DENND2B: variants seen among roughly 807,000 people sequenced by gnomAD.
DENND2B encodes DENN domain-containing protein 2B.
DENND2B carries 32 observed loss-of-function variants against 116.0 expected under a neutral mutation model. That is an observed-to-expected ratio of 0.28 (90% CI 0.21 to 0.37). DENND2B has a LOEUF of 0.37. DENND2B is among the 10% of genes least tolerant of loss of function. The pLI, the probability that DENND2B is intolerant of heterozygous loss-of-function variation, is 1.00. For synonymous variants in DENND2B, 588 were observed against 583.9 expected, an observed-to-expected ratio of 1.01 and a Z score of -0.10; for missense variants, 1,276 against 1,477.7, an observed-to-expected ratio of 0.86 and a Z score of 2.24.
At chr11:8,780,973 G>C (rs943679650) in intron 1 of DENND2B, among the ~76,000 whole-genome samples, 1 of 152,168 alleles carries the variant, frequency 6.6e-6, no homozygotes, top group African/African-American at 2.4e-5. Flanking sequence ...CAGCTCTTGG[G>C]AGGGGACAGC....
chr11:8,698,812 G>A (rs1291049860), intron 16 of DENND2B, 121 bp downstream of exon 16: 2 of 1,203,768 alleles, frequency 1.7e-6, no homozygotes, highest in Non-Finnish European at 2.4e-6. Context: ...CCCTTGACTA[G>A]TCTGTGAGTA....
intron 1 of DENND2B, among the ~76,000 whole-genome samples, chr11:8,804,575 T>C (rs1056353895): frequency 8.7e-6 from 1 of 114,870 alleles, no homozygotes; most frequent in South Asian, 2.8e-4. Context: ...GACGAAGTCT[T>C]GCTCTGTCGC....
chr11:8,785,037 C>T (rs2058766861), intron 1 of DENND2B: 1 of 152,056 alleles, frequency 6.6e-6, no homozygotes, highest in Admixed American at 6.6e-5. Flanking sequence ...GATGTAGTAC[C>T]CCCTCTAACA....
chr11:8,731,741 C>T (rs563250792), intron 2 of DENND2B, among the ~76,000 whole-genome samples: 6 of 152,238 alleles, frequency 3.9e-5, no homozygotes, highest in African/African-American at 9.6e-5. Context: ...TCTGAACAAC[C>T]GGCTCTCTAG....
chr11:8,896,678 A>G (rs2064106134), intron 1 of DENND2B, among the ~76,000 whole-genome samples: 1 of 152,348 alleles, frequency 6.6e-6, no homozygotes, highest in South Asian at 2.1e-4. Flanking sequence ...CACTTTCAGT[A>G]CAGCATTCAA....
chr11:8,702,514 T>G lies in DENND2B; in HGVS notation c.2720+58A>C. 1 of 1,601,266 alleles carries G rather than the reference T, an allele frequency of 6.2e-7. No homozygotes were observed. The highest frequency in any genetic ancestry group is 1.1e-5 in the South Asian group (1 of 90,798). On this transcript the variant is annotated intron_variant, in intron 14 of 19. Transcript: ENST00000313726. The surrounding 1 kb of genome is among the most constrained non-coding windows in gnomAD (Gnocchi z 4.6). ...CTTAGGCTCCTGAACACTTGCTGAT[T>G]CGCTTGTGGGTGTGCCTTCCCCCCT... is the stretch of plus-strand genomic sequence containing the variant.
chr11:8,703,922 A>G (rs951853881), intron 13 of DENND2B, among the ~76,000 whole-genome samples: 2 of 152,162 alleles, frequency 1.3e-5, no homozygotes, highest in Non-Finnish European at 2.9e-5. Flanking sequence ...GAAGTAGCAC[A>G]ATGATGCCAG....
intron 1 of DENND2B, among the ~76,000 whole-genome samples, chr11:8,903,466 C>T (rs1242269716): frequency 7.7e-6 from 1 of 129,464 alleles, no homozygotes; most frequent in Non-Finnish European, 1.7e-5. Context: ...CTAGACTGAC[C>T]AAGATGTTAA....
At chr11:8,810,087 G>A (rs1042140010) in intron 1 of DENND2B, 5 of 142,116 alleles carry the variant, frequency 3.5e-5, no homozygotes, top group African/African-American at 1.3e-4. Context: ...GTCAGACATA[G>A]CAGCACCAAG....
chr11:8,780,252 C>A (rs1267678286), intron 1 of DENND2B, among the ~76,000 whole-genome samples: 1 of 152,196 alleles, frequency 6.6e-6, no homozygotes, highest in African/African-American at 2.4e-5. Flanking sequence ...AGCTTCCACT[C>A]TGTAGGGTGA....
chr11:8,753,649 A>G (rs995659592), intron 1 of DENND2B, among the ~76,000 whole-genome samples: 1 of 152,178 alleles, frequency 6.6e-6, no homozygotes, highest in Admixed American at 6.5e-5. Flanking sequence ...CTGAGTTGCC[A>G]ATTAAAAAAA....
In DENND2B at chr11:8,696,605, A is replaced by C. The variant is rs1162192202; in HGVS notation, c.3114T>G (p.Val1038=). The C allele has an allele frequency of 6.2e-7, 1 of 1,614,186 alleles. No individual in the cohort carries two copies. Among genetic ancestry groups the C allele is most frequent in the Non-Finnish European group, 8.5e-7 (1 of 1,180,034 alleles). The change falls in exon 18 of 20, where the codon GTT becomes GTG. Residue 1038 remains valine (V), a synonymous_variant. Transcript: ENST00000313726. ...GTGTCAGAAAGAGGGAGTAGTGCCCAACGGTCTCCACAAAGAACCGGATAA... is the reference window on the plus strand; with the variant it reads ...GTGTCAGAAAGAGGGAGTAGTGCCCCACGGTCTCCACAAAGAACCGGATAA... ...EVFIRFFVET[V]GHYSLFLTQS...
chr11:8,721,916 G>A lies in DENND2B; in HGVS notation c.1478-4024C>T, dbSNP rs575784197. ...CCTCAGCCCAGGCTAGCTGATGGGA[G>A]TGGGAATCTGCAGGAATGCAGCTCA... On this transcript the variant is annotated intron_variant, in intron 4 of 19. Transcript: ENST00000313726. Among the ~76,000 whole-genome samples, 327 of 152,352 alleles carry A rather than the reference G, an allele frequency of 2.1e-3. 1 individual carries two copies. The highest frequency in any genetic ancestry group is 3.4e-3 in the Non-Finnish European group (230 of 68,032).
At chr11:8,782,620 C>T (rs2058484150) in intron 1 of DENND2B, among the ~76,000 whole-genome samples, 1 of 152,156 alleles carries the variant, frequency 6.6e-6, no homozygotes, top group Middle Eastern at 3.2e-3. Context: ...GGCGCAGTGG[C>T]TCACGCCTGT....
chr11:8,708,210 GCA>G, intron 11 of DENND2B: 1 of 1,238,500 alleles, frequency 8.1e-7, no homozygotes, highest in Non-Finnish European at 1.0e-6. Flanking sequence ...TGGGACCCCA[GCA>G]GATGGGAAGG....
At chr11:8,838,584 G>T (rs1034496783) in intron 4 of DENND2B, among the ~76,000 whole-genome samples, 1 of 152,306 alleles carries the variant, frequency 6.6e-6, no homozygotes, top group South Asian at 2.1e-4. Flanking sequence ...GAAAACTGTG[G>T]GAGTTGGGTA....
intron 3 of DENND2B, among the ~76,000 whole-genome samples, chr11:8,849,533 G>A (rs2062933179): frequency 7.1e-6 from 1 of 141,784 alleles, no homozygotes; most frequent in African/African-American, 2.6e-5. Flanking sequence ...AGACTGAAGA[G>A]ACTGATAAGG....
chr11:8,900,412 CAG>C (rs2064151462), intron 1 of DENND2B, among the ~76,000 whole-genome samples: 1 of 126,012 alleles, frequency 7.9e-6, no homozygotes, highest in Non-Finnish European at 1.6e-5. Flanking sequence ...GCCTGGGCGA[CAG>C]AGTGAGACTC....
chr11:8,712,734 G>A lies in DENND2B; in HGVS notation c.1989C>T (p.Ala663=). Reference sequence around the variant, plus strand: ...GGATGTGGACCAGGCGCTGTGTGTGGGCTGGAGGCAGGTTGCACATCAGGG... The same window carrying A: ...GGATGTGGACCAGGCGCTGTGTGTGAGCTGGAGGCAGGTTGCACATCAGGG... The part of the protein sequence containing the change: ...SESDSDDRFK[A]HTQRLVHIQS... The change falls in exon 9 of 20, where the codon GCC becomes GCT. Residue 663 remains alanine (A), a splice_region_variant and synonymous_variant. Coordinates refer to ENST00000313726, the MANE Select transcript of DENND2B (RefSeq NM_213618.2). This position sits in a 1 kb window ranked among gnomAD's most constrained non-coding sequence, Gnocchi z 4.4. 1 of 1,607,866 alleles carries A rather than the reference G, an allele frequency of 6.2e-7. No individual in the cohort carries two copies.
Sources: allele counts gnomAD v4.1 joint callset (sites outside exome capture counted in the v4.1 genomes callset), GRCh38; gene constraint gnomAD v4.1.1; non-coding constraint Gnocchi (gnomAD v3.1); transcripts MANE v1.5; gene names NCBI Gene and HGNC (gene_info 2026-07-23, HGNC 2026-07-21).